RSRC1: variants seen among roughly 807,000 people sequenced by gnomAD.
RSRC1 encodes serine/Arginine-related protein 53.
RSRC1 carries 39 observed loss-of-function variants against 49.1 expected under a neutral mutation model. That is an observed-to-expected ratio of 0.79 (90% CI 0.61 to 1.04). The LOEUF (loss-of-function observed/expected upper bound fraction) is 1.04. Ranked by LOEUF, RSRC1 falls within the 50% of genes least tolerant of loss-of-function variation. The pLI is 0.00. For synonymous variants in RSRC1, 143 were observed against 130.8 expected (o/e 1.09, Z -0.63); for missense variants, 388 against 402.4 (o/e 0.96, Z 0.31).
chr3:158,260,529 G>A (rs930515407), intron 4 of RSRC1, among the ~76,000 whole-genome samples: 23 of 152,130 alleles, frequency 1.5e-4, no homozygotes, highest in African/African-American at 5.1e-4. Context: ...CTGGGATTAG[G>A]GGAGGAGTGA....
intron 3 of RSRC1, among the ~76,000 whole-genome samples, chr3:158,182,118 ACAGTT>A (rs1034447772): frequency 6.6e-6 from 1 of 152,154 alleles, no homozygotes; most frequent in Non-Finnish European, 1.5e-5. Flanking sequence ...ACAGGATAGA[ACAGTT>A]CATTAAGTTC....
intron 7 of RSRC1, among the ~76,000 whole-genome samples, chr3:158,533,741 A>T (rs1317296415): frequency 6.6e-6 from 1 of 151,706 alleles, no homozygotes; most frequent in Non-Finnish European, 1.5e-5. Context: ...AGTGAAATTA[A>T]CTAAGACCTA....
chr3:158,265,121 T>C (rs1578260909), intron 4 of RSRC1, among the ~76,000 whole-genome samples: 1 of 152,220 alleles, frequency 6.6e-6, no homozygotes, highest in East Asian at 1.9e-4. Context: ...TGAGTTCTCC[T>C]CTGTTGCACT....
rs1361715603 is a variant in RSRC1, at chr3:158,204,369, T to C, written c.494+1124T>C. Among the ~76,000 whole-genome samples, 8 of 152,296 alleles carry C rather than the reference T, an allele frequency of 5.3e-5. No individual in the cohort carries two copies. The East Asian group carries it at 1.5e-3, about 29-fold the overall frequency. On this transcript the variant is annotated intron_variant, in intron 4 of 9. Transcript: ENST00000611884. ...AGGATAACATATTATTATGTGACTT[T>C]TGTTCACCTGATCATCCCACAACCA...
intron 7 of RSRC1, among the ~76,000 whole-genome samples, chr3:158,508,497 TTC>T (rs977908793): frequency 6.6e-6 from 1 of 151,810 alleles, no homozygotes. Context: ...CACCTTGTTT[TTC>T]TCTCTTTTTT....
At chr3:158,459,677 TTTTTATTATCTA>T (rs1737518220) in intron 6 of RSRC1, among the ~76,000 whole-genome samples, 1 of 152,052 alleles carries the variant, frequency 6.6e-6, no homozygotes, top group Admixed American at 6.6e-5. Context: ...TGGTGGTTTG[TTTTTATTATCTA>T]ATTTAATAGA....
chr3:158,449,712 C>G (rs1161094175), intron 6 of RSRC1, among the ~76,000 whole-genome samples: 4 of 151,942 alleles, frequency 2.6e-5, no homozygotes, highest in South Asian at 4.1e-4. Context: ...TTCCTTCTAA[C>G]TACAGACATT....
chr3:158,299,311 AT>A (rs1727403729), intron 5 of RSRC1, among the ~76,000 whole-genome samples: 1 of 151,746 alleles, frequency 6.6e-6, no homozygotes, highest in African/African-American at 2.4e-5. Context: ...GGTGTCTTTT[AT>A]TTTTTATTTT....
intron 7 of RSRC1, among the ~76,000 whole-genome samples, chr3:158,524,935 C>T (rs1303198192): frequency 2.0e-5 from 3 of 151,898 alleles, no homozygotes; most frequent in Admixed American, 6.6e-5. Flanking sequence ...TAAGAATTAG[C>T]TTGAAATGTA....
intron 7 of RSRC1, among the ~76,000 whole-genome samples, chr3:158,475,707 C>G (rs1272249345): frequency 6.9e-6 from 1 of 145,026 alleles, no homozygotes; most frequent in African/African-American, 2.6e-5. Context: ...TCTGACTGCT[C>G]CACTGACTGG....
intron 3 of RSRC1, among the ~76,000 whole-genome samples, chr3:158,195,201 G>A (rs1464736320): frequency 1.3e-5 from 2 of 152,182 alleles, no homozygotes; most frequent in South Asian, 2.1e-4. Context: ...TAATGGGTGT[G>A]AGATGATATC....
At chr3:158,281,350 C>A (rs1726156659) in intron 4 of RSRC1, among the ~76,000 whole-genome samples, 1 of 149,568 alleles carries the variant, frequency 6.7e-6, no homozygotes, top group East Asian at 2.0e-4. Context: ...TTTAGATATC[C>A]AAATAGAGAT....
intron 7 of RSRC1, among the ~76,000 whole-genome samples, chr3:158,526,100 T>C (rs1360446378): frequency 1.3e-5 from 2 of 151,992 alleles, no homozygotes; most frequent in African/African-American, 4.8e-5. Context: ...TTAAACCTTA[T>C]GATTTTATAT....
At chr3:158,538,660 A>T (rs1280323376) in intron 8 of RSRC1, among the ~76,000 whole-genome samples, 2 of 151,848 alleles carry the variant, frequency 1.3e-5, no homozygotes, top group Non-Finnish European at 2.9e-5. Context: ...CTAATTGTTA[A>T]TTTTTCCCTT....
intron 3 of RSRC1, among the ~76,000 whole-genome samples, chr3:158,179,625 A>C (rs1436198209): frequency 3.3e-5 from 5 of 152,056 alleles, no homozygotes; most frequent in Non-Finnish European, 7.4e-5. Flanking sequence ...GTTGTACCTC[A>C]GTTTGTTTAA....
chr3:158,384,522 G>A lies in RSRC1; in HGVS notation c.583+29614G>A, dbSNP rs182389930. ...CATAATCAGATAGATTAATGAATGG[G>A]CTATTAATAAAGGTTTGGGCAGGTT... is the stretch of plus-strand genomic sequence containing the variant. On this transcript the variant is annotated intron_variant, in intron 6 of 9. Transcript: ENST00000611884. Among the ~76,000 whole-genome samples, 3 of 152,194 alleles carry A rather than the reference G, an allele frequency of 2.0e-5. No individual in the cohort carries two copies. The East Asian group carries it at 5.8e-4, about 29-fold the overall frequency.
chr3:158,351,009 C>T (rs1730842822), intron 5 of RSRC1, among the ~76,000 whole-genome samples: 1 of 151,834 alleles, frequency 6.6e-6, no homozygotes, highest in South Asian at 2.1e-4. Flanking sequence ...CTCCTTAATC[C>T]TTTCTTTAAA....
At chr3:158,437,684 A>G (rs1426174262) in intron 6 of RSRC1, among the ~76,000 whole-genome samples, 1 of 152,186 alleles carries the variant, frequency 6.6e-6, no homozygotes, top group Non-Finnish European at 1.5e-5. Flanking sequence ...AATAAGAGCT[A>G]TTTATGACAA....
intron 5 of RSRC1, among the ~76,000 whole-genome samples, chr3:158,332,514 GC>G (rs1729610751): frequency 6.6e-6 from 1 of 152,076 alleles, no homozygotes; most frequent in Non-Finnish European, 1.5e-5. Context: ...AATATTTCTT[GC>G]AAAACTTAAA....
Sources: gnomAD v4.1 joint callset for allele counts (sites outside exome capture counted in the v4.1 genomes callset) on GRCh38, gnomAD v4.1.1 for gene constraint, MANE v1.5 for transcripts, NCBI Gene and HGNC (gene_info 2026-07-23, HGNC 2026-07-21) for gene names.